The following ARHGEF6 variants were observed in gnomAD, a reference collection of about 807,000 sequenced individuals.
The protein encoded by ARHGEF6 is rho guanine nucleotide exchange factor 6.
Under a neutral mutation model 70.3 loss-of-function variants are expected in ARHGEF6, and 9 were observed. The observed-to-expected ratio is 0.13, with a 90% CI of 0.08 to 0.22. ARHGEF6 has a LOEUF of 0.22. Among genes scored for constraint, ARHGEF6 ranks in the 10% least tolerant of loss-of-function variants. The pLI is 1.00. For missense variants in ARHGEF6, 470 were observed against 563.0 expected, an observed-to-expected ratio of 0.83 and a Z score of 1.67; for synonymous variants, 201 against 207.8, an observed-to-expected ratio of 0.97 and a Z score of 0.28.
intron 9 of ARHGEF6, among the ~76,000 whole-genome samples, chrX:136,696,457 A>AT (rs1172599239): frequency 1.8e-5 from 2 of 109,471 alleles, no homozygotes; most frequent in East Asian, 2.9e-4. Context: ...TGTCTCTATA[A>AT]TTTTTTTATA....
chrX:136,780,578 G>A, intron 1 of ARHGEF6, 140 bp downstream of exon 1: 2 of 629,447 alleles, frequency 3.2e-6, no homozygotes, highest in Non-Finnish European at 5.1e-6. Context: ...TACAAAAACA[G>A]TAAGAAAGAA....
chrX:136,717,912 A>G (rs2148628070), intron 6 of ARHGEF6, among the ~76,000 whole-genome samples: 1 of 112,073 alleles, frequency 8.9e-6, no homozygotes, highest in South Asian at 3.6e-4. Context: ...AAAATGCTCA[A>G]TTAAAACAAA....
At chrX:136,778,697 C>A (rs1396224471) in intron 2 of ARHGEF6, among the ~76,000 whole-genome samples, 3 of 110,894 alleles carry the variant, frequency 2.7e-5, no homozygotes. Context: ...ACCATACTGT[C>A]CAGGCTGGTC....
rs771625860 is a variant in ARHGEF6, at chrX:136,765,310, A to G, written c.249+14104T>C. ...GATAAACAGATTGCTATAAAAGAAC[A>G]AAACTCATACTCTTCAATTTCCTCT... is the stretch of plus-strand genomic sequence containing the variant. On this transcript the variant is annotated intron_variant, in intron 2 of 21. Transcript: ENST00000250617. Among the ~76,000 whole-genome samples, 3 of 112,474 alleles carry G rather than the reference A, an allele frequency of 2.7e-5. No homozygotes were observed. In the Admixed American group the frequency reaches 2.8e-4, roughly 11 times the overall value.
At chrX:136,757,306 G>A (rs1425770611) in intron 2 of ARHGEF6, among the ~76,000 whole-genome samples, 1 of 112,783 alleles carries the variant, frequency 8.9e-6, no homozygotes, top group Non-Finnish European at 1.9e-5. Flanking sequence ...GTTGCAGTGA[G>A]TTGAGATCGC....
chrX:136,711,532 T>C (rs949972326), intron 7 of ARHGEF6, among the ~76,000 whole-genome samples: 1 of 112,195 alleles, frequency 8.9e-6, no homozygotes, highest in African/African-American at 3.2e-5. Context: ...TTTCACATGA[T>C]AATAACAAAA....
chrX:136,747,458 A>G lies in ARHGEF6; in HGVS notation c.334+50T>C, dbSNP rs201448563. 113 of 1,119,062 alleles carry G rather than the reference A, an allele frequency of 1.0e-4. No homozygotes were observed. The African/African-American group carries it at 1.9e-3, about 19-fold the overall frequency. The allele number at this position is 1,119,062 out of a possible 1,213,427, so 92.2% of individuals were successfully genotyped here. A position where few individuals can be genotyped will look rare whatever the true frequency, so the allele number is the denominator to read the frequency against. On this transcript the variant is annotated intron_variant, in intron 3 of 21. Transcript: ENST00000250617. ...TGGCTCCTAGGGTAATCACAAACAC[A>G]TGGATTCAAAAATGTCACCCAGAAC...
intron 2 of ARHGEF6, chrX:136,768,718 G>A (rs1403541453): frequency 8.9e-6 from 1 of 112,033 alleles, no homozygotes. Context: ...AGGAGGCACC[G>A]CGCTGCTAGA....
rs375550477 is a variant in ARHGEF6, at chrX:136,690,683, G to T, written c.1112C>A (p.Thr371Lys). ...TCGCATGAATGGTTTGCTGAGGTTT[G>T]TTGTTAAAATGAGGATACCTGGGCT... ...ASSPGILILT[T>K]NLSKPFMRLE... is the part of the protein sequence containing the mutation. The change falls in exon 10 of 22, where the codon ACA becomes AAA. Residue 371 changes from threonine to lysine, a missense_variant. Coordinates refer to ENST00000250617, the MANE Select transcript of ARHGEF6 (RefSeq NM_004840.3). 1.7e-6 allele frequency: 2 copies of T among 1,208,487 alleles called. No homozygotes were observed. Among genetic ancestry groups the T allele is most frequent in the African/African-American group, 3.5e-5 (2 of 56,934 alleles).
In ARHGEF6 at chrX:136,669,770, CCCT is replaced by C. The variant is rs371558727; in HGVS notation, c.2136-237_2136-235del. On this transcript the variant is annotated intron_variant, in intron 20 of 21. Coordinates refer to ENST00000250617, the MANE Select transcript of ARHGEF6 (RefSeq NM_004840.3). Reference sequence around the variant, plus strand: ...ATGTCATTACACCTTTTCTATACTTCCCTCCTCCTTTTCTACTCACTTCCCAGC... The same window carrying C: ...ATGTCATTACACCTTTTCTATACTTCCCTCCTTTTCTACTCACTTCCCAGC... Among the ~76,000 whole-genome samples the C allele has an allele frequency of 2.5e-3, 279 of 111,910 alleles. 1 individual carries two copies. The highest frequency in any genetic ancestry group is 8.5e-3 in the African/African-American group (262 of 30,831).
In ARHGEF6 at chrX:136,667,881, G is replaced by A. The variant is rs1028923141; in HGVS notation, c.*148C>T. ...GCACGCACACACATATGCACACAGC[G>A]GGGAGAGAAAGAGAAGAGAGAGGGA... On this transcript the variant is annotated 3_prime_UTR_variant, in exon 22 of 22. Coordinates refer to ENST00000250617, the MANE Select transcript of ARHGEF6 (RefSeq NM_004840.3). 7.7e-5 allele frequency: 59 copies of A among 766,678 alleles called. No homozygotes were observed. The African/African-American group carries it at 7.7e-4, about 10-fold the overall frequency. 63.2% of individuals were successfully genotyped at this position (766,678 alleles called of 1,213,427 possible). A position where few individuals can be genotyped will look rare whatever the true frequency, so the allele number is the denominator to read the frequency against.
At chrX:136,770,824 C>T (rs2077358508) in intron 2 of ARHGEF6, among the ~76,000 whole-genome samples, 1 of 111,790 alleles carries the variant, frequency 8.9e-6, no homozygotes, top group African/African-American at 3.3e-5. Flanking sequence ...TTGTGAAACC[C>T]TGTATCTATA....
chrX:136,732,846 T>G (rs1187139089), intron 5 of ARHGEF6, among the ~76,000 whole-genome samples: 1 of 111,578 alleles, frequency 9.0e-6, no homozygotes, highest in Non-Finnish European at 1.9e-5. Flanking sequence ...GTAACCCCAT[T>G]GTAAGCCAAG....
At position 136,708,662 on chromosome X, in the gene ARHGEF6, A is replaced by C. The variant is rs1479503958; in HGVS notation, c.923+13T>G. On this transcript the variant is annotated intron_variant, in intron 8 of 21. Transcript: ENST00000250617. ...TGTTGCTGGCTATCCTATCAGAAAT[A>C]TGCCACACTTACTTTGAACATTCTT... 4 of 1,181,249 alleles carry C rather than the reference A, an allele frequency of 3.4e-6. No individual in the cohort carries two copies. In the African/African-American group the frequency reaches 7.1e-5, roughly 21 times the overall value.
chrX:136,680,665 G>C, intron 15 of ARHGEF6, 66 bp downstream of exon 15: 1 of 1,144,068 alleles, frequency 8.7e-7, no homozygotes, highest in Non-Finnish European at 1.2e-6. Context: ...CTTCTTGTAA[G>C]TCTCCAGCAG....
At chrX:136,718,104 A>ATGCT (rs1327362558) in intron 6 of ARHGEF6, among the ~76,000 whole-genome samples, 1 of 111,460 alleles carries the variant, frequency 9.0e-6, no homozygotes, top group East Asian at 2.8e-4. Context: ...ACCCAACCAT[A>ATGCT]TGCTGTTAAT....
intron 9 of ARHGEF6, 78 bp downstream of exon 9, chrX:136,706,830 G>T: frequency 8.8e-7 from 1 of 1,140,886 alleles, no homozygotes; most frequent in African/African-American, 1.8e-5. Flanking sequence ...GAGTCCAACT[G>T]AAGACCTTGG....
chrX:136,743,984 T>G (rs1411238073), intron 4 of ARHGEF6, among the ~76,000 whole-genome samples, 198 bp from the exon 5 acceptor site: 2 of 112,062 alleles, frequency 1.8e-5, no homozygotes, highest in Admixed American at 1.9e-4. Context: ...ATGTAAACTT[T>G]GGCATTTGTG....
intron 6 of ARHGEF6, among the ~76,000 whole-genome samples, chrX:136,717,256 A>T (rs749380887): frequency 8.9e-6 from 1 of 112,561 alleles, no homozygotes; most frequent in East Asian, 2.8e-4. Context: ...AAGTTCAAAT[A>T]AAAGTTACAT....
Sources: gnomAD v4.1 joint callset for allele counts (sites outside exome capture counted in the v4.1 genomes callset) on GRCh38, gnomAD v4.1.1 for gene constraint, MANE v1.5 for transcripts, NCBI Gene and HGNC (gene_info 2026-07-23, HGNC 2026-07-21) for gene names.